Variants in BMPR2 observed in about 807,000 individuals in gnomAD.
BMPR2 encodes the protein bone morphogenetic protein receptor type-2.
BMPR2 carries 29 observed loss-of-function variants against 100.8 expected under a neutral mutation model. The ratio of observed to expected loss-of-function variants is 0.29; its 90% CI spans 0.21 to 0.39. The LOEUF is 0.39. Among genes scored for constraint, BMPR2 ranks in the 10% least tolerant of loss-of-function variants. The probability of loss-of-function intolerance (pLI) is 1.00; values close to 1 mark genes in which losing one functional copy is unlikely to be tolerated. For missense variants in BMPR2, 1,011 were observed against 1,274.5 expected (o/e 0.79, Z 3.15); for synonymous variants, 382 against 442.3 (o/e 0.86, Z 1.71).
At chr2:202,531,754 C>T (rs959175564) in intron 8 of BMPR2, among the ~76,000 whole-genome samples, 1 of 152,162 alleles carries the variant, frequency 6.6e-6, no homozygotes, top group African/African-American at 2.4e-5. Flanking sequence ...GCCTCAGCCT[C>T]CTGAGTAGCT....
rs1359497091 is a variant in BMPR2, at chr2:202,503,486, C to G, written c.419-10233C>G. On this transcript the variant is annotated intron_variant, in intron 3 of 12. Transcript: ENST00000374580. This position sits in a 1 kb window ranked among gnomAD's most constrained non-coding sequence, Gnocchi z 4.0. ...GGGCCCCGCACTCGGAGCAGCCAGC[C>G]CCGGGCAATGAGGGGCTTAGCACCC... Among the ~76,000 whole-genome samples, 2 of 152,236 alleles carry G rather than the reference C, an allele frequency of 1.3e-5. No homozygotes were observed. The highest frequency in any genetic ancestry group is 4.8e-5 in the African/African-American group (2 of 41,458).
At chr2:202,415,755 G>A (rs559394568) in intron 1 of BMPR2, among the ~76,000 whole-genome samples, 6 of 152,214 alleles carry the variant, frequency 3.9e-5, no homozygotes, top group Admixed American at 2.6e-4. Flanking sequence ...GAGAACTACT[G>A]CTCAGAAAAA....
At position 202,436,769 on chromosome 2, in the gene BMPR2, A is replaced by G. The variant is rs191177438; in HGVS notation, c.77-28040A>G. 2.0e-3 allele frequency among the ~76,000 whole-genome samples: 296 copies of G among 150,768 alleles called. 8 individuals are homozygous for G. The highest frequency in any genetic ancestry group is 0.016 in the Admixed American group (248 of 15,234). ...TCCTAGAAAATGATGTATTCTTTTC[A>G]TACAGTTTTTCCAGTGGTACTGAAA... is the stretch of plus-strand genomic sequence containing the variant. On this transcript the variant is annotated intron_variant, in intron 1 of 12. Coordinates refer to ENST00000374580, the MANE Select transcript of BMPR2 (RefSeq NM_001204.7).
intron 1 of BMPR2, among the ~76,000 whole-genome samples, chr2:202,381,971 A>C (rs1690304818): frequency 6.6e-6 from 1 of 151,794 alleles, no homozygotes; most frequent in African/African-American, 2.4e-5. Context: ...AATCTGTGTG[A>C]ATCAGTTAAT....
chr2:202,438,362 A>G (rs1186704240), intron 1 of BMPR2, among the ~76,000 whole-genome samples: 2 of 150,560 alleles, frequency 1.3e-5, no homozygotes, highest in Non-Finnish European at 2.9e-5. Context: ...TATTCTGGAT[A>G]CTAGTACTTT....
chr2:202,524,090 C>A (rs1471192405), intron 7 of BMPR2, among the ~76,000 whole-genome samples: 1 of 151,316 alleles, frequency 6.6e-6, no homozygotes, highest in Admixed American at 6.6e-5. Context: ...GGGCCGGACG[C>A]GGTGGCTCAC....
At chr2:202,487,507 C>T (rs188461458) in intron 3 of BMPR2, among the ~76,000 whole-genome samples, 5 of 152,184 alleles carry the variant, frequency 3.3e-5, no homozygotes, top group East Asian at 3.9e-4. Context: ...AAGATAAAAA[C>T]GTAGAGGATA....
intron 1 of BMPR2, among the ~76,000 whole-genome samples, chr2:202,453,990 A>T (rs1311982758): frequency 6.6e-6 from 1 of 152,226 alleles, no homozygotes; most frequent in Non-Finnish European, 1.5e-5. Flanking sequence ...AGATGCTATC[A>T]AGAAGGTGAG....
intron 3 of BMPR2, among the ~76,000 whole-genome samples, chr2:202,501,488 A>C (rs183814124): frequency 1.3e-3 from 197 of 152,348 alleles, no homozygotes; most frequent in Non-Finnish European, 2.3e-3. Flanking sequence ...TTTATATGTC[A>C]CAGAGAGAGC....
In BMPR2 at chr2:202,481,133, C is replaced by T. The variant is rs1326145123; in HGVS notation, c.418+13444C>T. 4.0e-5 allele frequency among the ~76,000 whole-genome samples: 6 copies of T among 151,864 alleles called. No homozygotes were observed. The South Asian group carries it at 1.2e-3, about 32-fold the overall frequency. On this transcript the variant is annotated intron_variant, in intron 3 of 12. Coordinates refer to ENST00000374580, the MANE Select transcript of BMPR2 (RefSeq NM_001204.7). ...GTTTTAAAATAGAGAAAGCTGAGTT[C>T]TCCAACTTTGTTCTTCTTTTTCTTT...
chr2:202,466,484 G>A (rs537223256), intron 2 of BMPR2, among the ~76,000 whole-genome samples: 67 of 152,028 alleles, frequency 4.4e-4, no homozygotes, highest in Non-Finnish European at 8.5e-4. Context: ...ATAGAGTTTT[G>A]CCATGTTGGC....
intron 10 of BMPR2, among the ~76,000 whole-genome samples, chr2:202,545,629 T>C (rs1688362901): frequency 6.6e-6 from 1 of 152,136 alleles, no homozygotes; most frequent in Non-Finnish European, 1.5e-5. Context: ...AGAGACAGGG[T>C]AGAGACACAT....
chr2:202,433,290 T>C (rs997128276), intron 1 of BMPR2, among the ~76,000 whole-genome samples: 1 of 150,430 alleles, frequency 6.6e-6, no homozygotes, highest in Non-Finnish European at 1.5e-5. Context: ...GATATATGTA[T>C]AGATAGATAC....
At chr2:202,454,034 A>G (rs936068539) in intron 1 of BMPR2, among the ~76,000 whole-genome samples, 1 of 152,168 alleles carries the variant, frequency 6.6e-6, no homozygotes. Context: ...ACCACTCCCC[A>G]TTTTATTATT....
chr2:202,402,973 C>T (rs1219144116), intron 1 of BMPR2, among the ~76,000 whole-genome samples: 1 of 148,128 alleles, frequency 6.8e-6, no homozygotes, highest in Non-Finnish European at 1.5e-5. Context: ...GGATTACAGG[C>T]ATGCGCCACC....
intron 3 of BMPR2, among the ~76,000 whole-genome samples, chr2:202,507,054 G>A (rs1190505136): frequency 1.4e-5 from 2 of 141,760 alleles, no homozygotes; most frequent in Non-Finnish European, 1.5e-5. Context: ...GTGTGTGCAA[G>A]AGAGTGAGAC....
At chr2:202,535,345 A>T (rs1293120729) in intron 9 of BMPR2, among the ~76,000 whole-genome samples, 14 of 146,728 alleles carry the variant, frequency 9.5e-5, no homozygotes, top group Admixed American at 5.4e-4. Context: ...GTTGCCAGGC[A>T]GAGGGTCTCC....
At chr2:202,416,404 G>T (rs973979224) in intron 1 of BMPR2, among the ~76,000 whole-genome samples, 1 of 151,382 alleles carries the variant, frequency 6.6e-6, no homozygotes, top group Admixed American at 6.6e-5. Flanking sequence ...GGAACTACAG[G>T]TGTGCACTAC....
intron 1 of BMPR2, among the ~76,000 whole-genome samples, chr2:202,398,399 AAAG>A (rs1205091305): frequency 1.3e-5 from 2 of 152,362 alleles, no homozygotes; most frequent in East Asian, 3.9e-4. Flanking sequence ...TTTTTTAAAA[AAAG>A]CTATATGTGA....
Sources: allele counts gnomAD v4.1 joint callset (sites outside exome capture counted in the v4.1 genomes callset), GRCh38; gene constraint gnomAD v4.1.1; non-coding constraint Gnocchi (gnomAD v3.1); transcripts MANE v1.5; gene names NCBI Gene and HGNC (gene_info 2026-07-23, HGNC 2026-07-21).